PHF21A: variants seen among roughly 807,000 people sequenced by gnomAD.
PHF21A encodes the protein BHC80a.
In PHF21A, 11 loss-of-function variants were observed where a neutral mutation model predicts 82.5. The ratio of observed to expected loss-of-function variants is 0.13; its 90% confidence interval spans 0.08 to 0.22. The LOEUF (loss-of-function observed/expected upper bound fraction) is 0.22, where lower values mean the gene tolerates loss of function less well. Ranked by LOEUF, PHF21A falls within the 10% of genes least tolerant of loss-of-function variation. The pLI is 1.00. For missense variants in PHF21A, 579 were observed against 837.8 expected, an observed-to-expected ratio of 0.69 and a Z score of 3.81; for synonymous variants, 297 against 302.8, an observed-to-expected ratio of 0.98 and a Z score of 0.20.
intron 12 of PHF21A, 144 bp downstream of exon 12, chr11:45,950,062 A>C: frequency 1.6e-6 from 1 of 634,260 alleles, no homozygotes. Context: ...CAATTTTCCC[A>C]CTAAAGGAAA....
At chr11:46,025,201 C>T (rs1179907662) in intron 6 of PHF21A, among the ~76,000 whole-genome samples, 1 of 147,466 alleles carries the variant, frequency 6.8e-6, no homozygotes, top group African/African-American at 2.5e-5. Context: ...AAAAAAAAAA[C>T]AACTTTTCTC....
chr11:46,035,132 G>C (rs747338557), intron 6 of PHF21A, among the ~76,000 whole-genome samples: 2 of 151,974 alleles, frequency 1.3e-5, no homozygotes, highest in Non-Finnish European at 2.9e-5. Flanking sequence ...CAATATGTCC[G>C]CTCTCTTTTT....
intron 6 of PHF21A, among the ~76,000 whole-genome samples, chr11:46,066,343 T>C (rs1161335850): frequency 6.6e-6 from 1 of 152,182 alleles, no homozygotes; most frequent in Non-Finnish European, 1.5e-5. Flanking sequence ...TATAAATATA[T>C]ATTAGATATT....
chr11:46,007,320 T>TTC (rs1300922277), intron 6 of PHF21A, among the ~76,000 whole-genome samples: 2 of 145,330 alleles, frequency 1.4e-5, no homozygotes, highest in African/African-American at 5.0e-5. Context: ...CTTCTTCTTC[T>TTC]TTTTTTTTTT....
rs1480049567 is a variant in PHF21A, at chr11:45,942,461, A to G, written c.1452+3379T>C. Among the ~76,000 whole-genome samples the G allele has an allele frequency of 2.6e-5, 4 of 152,224 alleles. No homozygotes were observed. In the East Asian group the frequency reaches 7.7e-4, roughly 29 times the overall value. The stretch of plus-strand genomic sequence containing the variant: ...CCAATGAGCTGGTGATCCTTTGGCA[A>G]TACTTCAACTGAGAAAAAGTTGGGA... On this transcript the variant is annotated intron_variant, in intron 15 of 18. Coordinates refer to ENST00000676320, the MANE Select transcript of PHF21A (RefSeq NM_001352027.3).
intron 10 of PHF21A, among the ~76,000 whole-genome samples, chr11:45,955,067 G>A (rs907756050): frequency 7.2e-5 from 11 of 152,114 alleles, no homozygotes; most frequent in African/African-American, 1.2e-4. Flanking sequence ...GCACAAATGC[G>A]GCTTTGTAAT....
intron 6 of PHF21A, among the ~76,000 whole-genome samples, chr11:46,067,177 G>A (rs1247678494): frequency 1.3e-5 from 2 of 152,022 alleles, no homozygotes; most frequent in African/African-American, 2.4e-5. Context: ...GTACTATGTT[G>A]TCCTGTAAGG....
chr11:46,065,507 G>A (rs1425164438), intron 6 of PHF21A, among the ~76,000 whole-genome samples: 2 of 152,170 alleles, frequency 1.3e-5, no homozygotes, highest in African/African-American at 4.8e-5. Context: ...GCTGAACTGA[G>A]CAATTCTAGC....
chr11:45,933,088 A>G lies in PHF21A; in HGVS notation c.*880T>C, dbSNP rs1047281440. 1 of 152,614 alleles carries G rather than the reference A, an allele frequency of 6.6e-6. No individual in the cohort carries two copies. The highest frequency in any genetic ancestry group is 2.4e-5 in the African/African-American group (1 of 41,460). 9.5% of individuals were successfully genotyped at this position (152,614 alleles called of 1,614,324 possible). ...TCTTATAAATATAGAAAAGGGATGGAGCTTGTTTTCAAGTAAAATCACTGA... is the reference window on the plus strand; with the variant it reads ...TCTTATAAATATAGAAAAGGGATGGGGCTTGTTTTCAAGTAAAATCACTGA... On this transcript the variant is annotated 3_prime_UTR_variant, in exon 19 of 19. Transcript: ENST00000676320.
intron 10 of PHF21A, among the ~76,000 whole-genome samples, chr11:45,955,020 T>A (rs2092516202): frequency 6.6e-6 from 1 of 152,230 alleles, no homozygotes; most frequent in South Asian, 2.1e-4. Flanking sequence ...AGCGTAAGCA[T>A]CTGCCTTATC....
chr11:46,061,669 C>G (rs147266210), intron 6 of PHF21A, among the ~76,000 whole-genome samples: 24 of 152,294 alleles, frequency 1.6e-4, no homozygotes, highest in African/African-American at 5.3e-4. Flanking sequence ...CTTTGTTTCT[C>G]CTAAGTCCTC....
At chr11:45,970,971 C>G in intron 8 of PHF21A, 145 bp downstream of exon 8, 1 of 996,662 alleles carries the variant, frequency 1.0e-6, no homozygotes, top group Non-Finnish European at 1.4e-6. Context: ...GCCATATTCC[C>G]TTGTCAGCCC....
intron 3 of PHF21A, among the ~76,000 whole-genome samples, chr11:46,088,487 T>G (rs1378559390): frequency 6.6e-6 from 1 of 151,522 alleles, no homozygotes; most frequent in Non-Finnish European, 1.5e-5. Flanking sequence ...AATAATAAAA[T>G]CCCACTAAAA....
intron 7 of PHF21A, among the ~76,000 whole-genome samples, chr11:45,976,005 C>T (rs2094004885): frequency 6.6e-6 from 1 of 152,092 alleles, no homozygotes; most frequent in Admixed American, 6.5e-5. Context: ...ATATAACCTC[C>T]CATTTGTCCT....
chr11:45,953,054 T>G (rs2092308596), intron 11 of PHF21A, among the ~76,000 whole-genome samples: 1 of 152,220 alleles, frequency 6.6e-6, no homozygotes, highest in African/African-American at 2.4e-5. Context: ...ACTGATTCAT[T>G]TGGGGTTTGG....
intron 6 of PHF21A, among the ~76,000 whole-genome samples, chr11:46,067,868 A>T (rs1283577299): frequency 1.3e-5 from 2 of 152,198 alleles, no homozygotes; most frequent in African/African-American, 4.8e-5. Context: ...CAAATAAAGT[A>T]GGCACAAGTA....
intron 10 of PHF21A, among the ~76,000 whole-genome samples, chr11:45,961,732 A>G (rs1420779306): frequency 6.6e-6 from 1 of 152,172 alleles, no homozygotes; most frequent in Admixed American, 6.5e-5. Flanking sequence ...AATAAACATT[A>G]AATACCTGAC....
chr11:45,971,046 G>A, intron 8 of PHF21A, 70 bp downstream of exon 8: 3 of 1,534,166 alleles, frequency 2.0e-6, no homozygotes, highest in Non-Finnish European at 2.7e-6. Flanking sequence ...AGCCTAGAAG[G>A]GATATACTAT....
chr11:45,964,275 G>C (rs1041808648), intron 10 of PHF21A, among the ~76,000 whole-genome samples: 5 of 150,488 alleles, frequency 3.3e-5, no homozygotes, highest in African/African-American at 9.8e-5. Context: ...CCTGGGGTTT[G>C]AATAGGTTCC....
Sources: gnomAD v4.1 joint callset for allele counts (sites outside exome capture counted in the v4.1 genomes callset) on GRCh38, gnomAD v4.1.1 for gene constraint, MANE v1.5 for transcripts, NCBI Gene and HGNC (gene_info 2026-07-23, HGNC 2026-07-21) for gene names.